The following AGMO variants were observed in gnomAD, a reference collection of about 807,000 sequenced individuals.
AGMO encodes the protein alkylglycerol monooxygenase.
A neutral mutation model predicts 60.2 loss-of-function variants in AGMO; 75 were observed. The observed-to-expected ratio is 1.25, with a 90% CI of 1.03 to 1.51. The LOEUF (loss-of-function observed/expected upper bound fraction) is 1.51, where lower values mean the gene tolerates loss of function less well. Among genes scored for constraint, AGMO ranks in the 40% most tolerant of loss-of-function variants. The pLI, the probability that AGMO is intolerant of heterozygous loss-of-function variation, is 0.00. For synonymous variants in AGMO, 261 were observed against 177.1 expected (o/e 1.47, Z -3.76); for missense variants, 763 against 525.5 (o/e 1.45, Z -4.42).
At chr7:15,296,727 C>A (rs1767273436) in intron 12 of AGMO, among the ~76,000 whole-genome samples, 1 of 152,104 alleles carries the variant, frequency 6.6e-6, no homozygotes. Flanking sequence ...TCCCTCTCTA[C>A]CCCAAACCAC....
intron 12 of AGMO, among the ~76,000 whole-genome samples, chr7:15,301,975 G>C (rs562233905): frequency 3.3e-5 from 5 of 152,222 alleles, no homozygotes; most frequent in Admixed American, 3.3e-4. Context: ...AGGAGAATAA[G>C]TAAAGAGAGC....
At chr7:15,484,739 G>A (rs545342415) in intron 3 of AGMO, among the ~76,000 whole-genome samples, 107 of 152,270 alleles carry the variant, frequency 7.0e-4, no homozygotes, top group African/African-American at 2.4e-3. Context: ...CTTTGATAAA[G>A]GGGAAGATAG....
intron 12 of AGMO, among the ~76,000 whole-genome samples, chr7:15,347,533 T>C (rs1442204304): frequency 6.6e-6 from 1 of 152,026 alleles, no homozygotes; most frequent in Non-Finnish European, 1.5e-5. Context: ...CTTGATGTCT[T>C]ATAGCTTAAA....
At chr7:15,454,987 T>C (rs1052061106) in intron 3 of AGMO, among the ~76,000 whole-genome samples, 8 of 151,964 alleles carry the variant, frequency 5.3e-5, no homozygotes, top group Admixed American at 2.0e-4. Context: ...TTAGTATTTT[T>C]TAAGATATTT....
chr7:15,285,440 T>C (rs1482683559), intron 12 of AGMO, among the ~76,000 whole-genome samples: 1 of 152,012 alleles, frequency 6.6e-6, no homozygotes, highest in Non-Finnish European at 1.5e-5. Context: ...ATGATCAATC[T>C]GAGAATCAAA....
chr7:15,364,543 A>C (rs1312125854), intron 12 of AGMO, among the ~76,000 whole-genome samples: 3 of 152,038 alleles, frequency 2.0e-5, no homozygotes, highest in Non-Finnish European at 4.4e-5. Flanking sequence ...AGTTGTTGCT[A>C]ATCTTACGTC....
intron 12 of AGMO, among the ~76,000 whole-genome samples, chr7:15,299,871 ACACACACACACACAC>A (rs1563075546): frequency 0.03 from 4,444 of 147,588 alleles, 304 homozygotes; most frequent in African/African-American, 0.1. Context: ...ACACACACAC[ACACACACACACACAC>A]AGTATGTTTT....
the AGMO span, among the ~76,000 whole-genome samples, chr7:15,164,425 C>G: frequency 6.6e-6 from 1 of 151,870 alleles, no homozygotes; most frequent in East Asian, 1.9e-4. Flanking sequence ...TTCGACATAG[C>G]AAAAGAAATA....
chr7:15,464,865 A>G (rs900342134), intron 3 of AGMO, among the ~76,000 whole-genome samples: 1 of 152,200 alleles, frequency 6.6e-6, no homozygotes, highest in Non-Finnish European at 1.5e-5. Flanking sequence ...TAACTCTTGA[A>G]TAGGAAATAA....
the AGMO span, among the ~76,000 whole-genome samples, chr7:15,152,396 G>C: frequency 6.6e-6 from 1 of 152,034 alleles, no homozygotes; most frequent in East Asian, 1.9e-4. Context: ...AGTGATGTTT[G>C]ATTACATGAA....
intron 3 of AGMO, among the ~76,000 whole-genome samples, chr7:15,432,379 T>TATATACAC (rs373845365): frequency 0.046 from 6,199 of 134,270 alleles, 240 homozygotes; most frequent in African/African-American, 0.084. Context: ...CATATATATA[T>TATATACAC]ACACTATCTG....
chr7:15,218,774 C>G (rs756533615), intron 12 of AGMO, among the ~76,000 whole-genome samples: 3 of 152,088 alleles, frequency 2.0e-5, no homozygotes, highest in Non-Finnish European at 2.9e-5. Context: ...AGAAGAAAGA[C>G]TAACTCAGTT....
At chr7:15,389,117 G>A (rs1390007086) in intron 8 of AGMO, among the ~76,000 whole-genome samples, 1 of 152,124 alleles carries the variant, frequency 6.6e-6, no homozygotes, top group Non-Finnish European at 1.5e-5. Flanking sequence ...CACTCCCAAA[G>A]CCTTGCTTCT....
At chr7:15,424,198 G>A (rs1780998569) in intron 4 of AGMO, among the ~76,000 whole-genome samples, 1 of 152,062 alleles carries the variant, frequency 6.6e-6, no homozygotes, top group African/African-American at 2.4e-5. Flanking sequence ...TTGTGGCAAT[G>A]GCTGTTCAGT....
At chr7:15,273,219 T>C (rs994080761) in intron 12 of AGMO, among the ~76,000 whole-genome samples, 7 of 152,210 alleles carry the variant, frequency 4.6e-5, no homozygotes, top group Admixed American at 4.6e-4. Context: ...ATGTCCTGAA[T>C]GGTATCGCCT....
chr7:15,392,310 G>C (rs979500330), intron 6 of AGMO, among the ~76,000 whole-genome samples: 10 of 120,522 alleles, frequency 8.3e-5, no homozygotes, highest in South Asian at 2.5e-4. Context: ...TCCTGACCTC[G>C]TGATCCGCGA....
At chr7:15,296,093 T>A (rs1168663716) in intron 12 of AGMO, among the ~76,000 whole-genome samples, 1 of 152,206 alleles carries the variant, frequency 6.6e-6, no homozygotes, top group Non-Finnish European at 1.5e-5. Flanking sequence ...GTAGAAATAA[T>A]TTGACTTAAG....
At chr7:15,531,121 ATATATTCTG>A (rs1206495337) in intron 3 of AGMO, among the ~76,000 whole-genome samples, 12 of 79,752 alleles carry the variant, frequency 1.5e-4, no homozygotes, top group South Asian at 3.9e-4. Flanking sequence ...TATATTCTAT[ATATATTCTG>A]TATATATTCT....
At position 15,354,341 on chromosome 7, in the gene AGMO, C is replaced by CACGCGTGTATATACGT. The variant is rs1554422554; in HGVS notation, c.1263+11172_1263+11173insACGTATATACACGCGT. On this transcript the variant is annotated intron_variant, in intron 12 of 12. Transcript: ENST00000342526. ...GTGTATATACGTACGCGTGTATATA[C>CACGCGTGTATATACGT]ACGCGTGTATATAGACGTGTGTATA... Among the ~76,000 whole-genome samples the CACGCGTGTATATACGT allele has an allele frequency of 1.5e-4, 5 of 34,062 alleles. 1 individual carries two copies. Among genetic ancestry groups the CACGCGTGTATATACGT allele is most frequent in the South Asian group, 1.9e-3 (2 of 1,060 alleles). 22.3% of individuals were successfully genotyped at this position (34,062 alleles called of 152,430 possible).
Sources: allele counts gnomAD v4.1 joint callset (sites outside exome capture counted in the v4.1 genomes callset), GRCh38; gene constraint gnomAD v4.1.1; transcripts MANE v1.5; gene names NCBI Gene and HGNC (gene_info 2026-07-23, HGNC 2026-07-21).